HRH1: variants seen among roughly 807,000 people sequenced by gnomAD.
HRH1 encodes the protein histamine H1 receptor.
In HRH1, 6 loss-of-function variants were observed where a neutral mutation model predicts 10.3. The ratio of observed to expected loss-of-function variants is 0.58; its 90% CI spans 0.32 to 1.15. The LOEUF (loss-of-function observed/expected upper bound fraction) is 1.15. Ranked by LOEUF, HRH1 falls within the 50% of genes most tolerant of loss-of-function variation. HRH1 has a pLI of 0.05. For synonymous variants in HRH1, 242 were observed against 236.7 expected, an observed-to-expected ratio of 1.02 and a Z score of -0.21; for missense variants, 514 against 615.3, an observed-to-expected ratio of 0.84 and a Z score of 1.74.
chr3:11,190,453 C>T (rs1345184358), intron 1 of HRH1, among the ~76,000 whole-genome samples: 7 of 151,900 alleles, frequency 4.6e-5, no homozygotes, highest in East Asian at 1.9e-4. Flanking sequence ...TGCAGTGGCG[C>T]GATCTTGGCT....
chr3:11,150,098 A>C (rs1239146574), upstream of HRH1, among the ~76,000 whole-genome samples: 1 of 152,280 alleles, frequency 6.6e-6, no homozygotes, highest in Non-Finnish European at 1.5e-5. Flanking sequence ...CCTTTCTGAA[A>C]GGAAATCAAA....
chr3:11,168,483 C>A (rs187393694), intron 1 of HRH1, among the ~76,000 whole-genome samples: 3 of 152,162 alleles, frequency 2.0e-5, no homozygotes, highest in Non-Finnish European at 2.9e-5. Flanking sequence ...CAGTGAGAAG[C>A]GAACAGCTTC....
At chr3:11,229,595 A>C (rs1938988545) in intron 1 of HRH1, among the ~76,000 whole-genome samples, 1 of 152,142 alleles carries the variant, frequency 6.6e-6, no homozygotes, top group African/African-American at 2.4e-5. Context: ...CCTCCAAGAG[A>C]GTCTCAATTT....
intron 1 of HRH1, among the ~76,000 whole-genome samples, chr3:11,190,484 G>A (rs888142118): frequency 5.3e-5 from 8 of 151,950 alleles, no homozygotes; most frequent in African/African-American, 1.5e-4. Context: ...TCTGCCTCCC[G>A]AGTTCAAGCA....
chr3:11,146,803 G>A (rs1360077877), intron 1 of HRH1, among the ~76,000 whole-genome samples: 4 of 152,226 alleles, frequency 2.6e-5, no homozygotes, highest in African/African-American at 7.2e-5. Context: ...AATTCTCTGT[G>A]TCCTGGCAGC....
At position 11,259,531 on chromosome 3, in the gene HRH1, G is replaced by A. The variant is rs1468590052; in HGVS notation, c.494G>A (p.Trp165Ter). Residue 165 changes from tryptophan to a stop codon, truncating the protein, a stop_gained, in exon 2 of 2, where the codon TGG becomes TAG. Coordinates refer to ENST00000431010, the MANE Select transcript of HRH1 (RefSeq NM_001098212.2). LOFTEE classifies it low-confidence loss of function (END_TRUNC). This position sits in a 1 kb window ranked among gnomAD's most constrained non-coding sequence, Gnocchi z 4.6. ...SFLWVIPILG[W>*]NHFMQQTSVR... Reference sequence around the variant, plus strand: ...CTGTGGGTTATTCCCATTCTAGGCTGGAATCACTTCATGCAGCAGACCTCG... The same window carrying A: ...CTGTGGGTTATTCCCATTCTAGGCTAGAATCACTTCATGCAGCAGACCTCG... 2 of 1,614,040 alleles carry A rather than the reference G, an allele frequency of 1.2e-6. No individual in the cohort carries two copies.
At chr3:11,205,141 C>G (rs993923252) in intron 1 of HRH1, among the ~76,000 whole-genome samples, 1 of 152,212 alleles carries the variant, frequency 6.6e-6, no homozygotes, top group African/African-American at 2.4e-5. Context: ...GTAGGTAGGT[C>G]TGAGGAGATG....
chr3:11,248,520 A>G (rs1939549373), intron 1 of HRH1, among the ~76,000 whole-genome samples: 1 of 152,206 alleles, frequency 6.6e-6, no homozygotes, highest in South Asian at 2.1e-4. Flanking sequence ...AGCCAACTGA[A>G]TTACAGCACA....
At chr3:11,164,703 A>T (rs1434960259) in intron 1 of HRH1, among the ~76,000 whole-genome samples, 1 of 152,190 alleles carries the variant, frequency 6.6e-6, no homozygotes, top group Admixed American at 6.5e-5. Flanking sequence ...AGCTTCTCCA[A>T]TTCAATGGAA....
At chr3:11,146,823 T>C (rs993251459) in intron 1 of HRH1, among the ~76,000 whole-genome samples, 1 of 152,204 alleles carries the variant, frequency 6.6e-6, no homozygotes, top group African/African-American at 2.4e-5. Context: ...CCATGGCAGC[T>C]AAGCAAAAGT....
At chr3:11,155,535 G>A (rs983565759) in intron 1 of HRH1, among the ~76,000 whole-genome samples, 1 of 152,264 alleles carries the variant, frequency 6.6e-6, no homozygotes, top group African/African-American at 2.4e-5. Flanking sequence ...TCCCTCTGAG[G>A]TGTCCGCTTG....
intron 1 of HRH1, among the ~76,000 whole-genome samples, chr3:11,202,203 T>A (rs1171228108): frequency 6.6e-6 from 1 of 152,078 alleles, no homozygotes; most frequent in Non-Finnish European, 1.5e-5. Flanking sequence ...CAGGAGTTCA[T>A]GACCAGCCTG....
At chr3:11,227,674 A>G (rs1938931897) in intron 1 of HRH1, among the ~76,000 whole-genome samples, 1 of 152,030 alleles carries the variant, frequency 6.6e-6, no homozygotes, top group African/African-American at 2.4e-5. Context: ...TCTTCCTTTC[A>G]CTTCTGGAGT....
chr3:11,157,059 C>A (rs1408938073), intron 1 of HRH1, among the ~76,000 whole-genome samples: 1 of 152,252 alleles, frequency 6.6e-6, no homozygotes, highest in African/African-American at 2.4e-5. Context: ...TGCTGCTACG[C>A]AGTGCAGCTT....
rs202225736 is a variant in HRH1, at chr3:11,259,563, C to T, written c.526C>T (p.Arg176Ter). 3.1e-6 allele frequency: 5 copies of T among 1,613,876 alleles called. No homozygotes were observed. Among genetic ancestry groups the T allele is most frequent in the African/African-American group, 1.3e-5 (1 of 74,848 alleles). The change falls in exon 2 of 2, where the codon CGA (arginine) becomes TGA (stop). Residue 176 changes from arginine (R) to a stop codon, truncating the protein, a stop_gained. Coordinates refer to ENST00000431010, the MANE Select transcript of HRH1 (RefSeq NM_001098212.2). LOFTEE classifies it low-confidence loss of function (END_TRUNC). This position sits in a 1 kb window ranked among gnomAD's most constrained non-coding sequence, Gnocchi z 4.6. ...CTTCATGCAGCAGACCTCGGTGCGC[C>T]GAGAGGACAAGTGTGAGACAGACTT... ...NHFMQQTSVR[R>*]EDKCETDFYD...
chr3:11,259,088 C>T lies in HRH1; in HGVS notation c.51C>T (p.Gly17=), dbSNP rs772814458. Residue 17 remains glycine, a synonymous_variant, in exon 2 of 2, where the codon GGC becomes GGT. Transcript: ENST00000431010. The surrounding 1 kb of genome is among the most constrained non-coding windows in gnomAD (Gnocchi z 4.6). ...SCLLEDKMCE[G]NKTTMASPQL... ...TCTTAGAAGACAAGATGTGTGAGGGCAACAAGACCACTATGGCCAGCCCCC... is the reference window on the plus strand; with the variant it reads ...TCTTAGAAGACAAGATGTGTGAGGGTAACAAGACCACTATGGCCAGCCCCC... 6.2e-7 allele frequency: 1 copy of T among 1,612,748 alleles called. No individual in the cohort carries two copies. The highest frequency in any genetic ancestry group is 1.1e-5 in the South Asian group (1 of 90,918).
At chr3:11,193,694 C>G (rs770133607) in intron 1 of HRH1, among the ~76,000 whole-genome samples, 1 of 152,130 alleles carries the variant, frequency 6.6e-6, no homozygotes, top group South Asian at 2.1e-4. Flanking sequence ...AAGCTCAAGG[C>G]GACAGCAGAT....
chr3:11,156,182 G>A (rs1173765699), intron 1 of HRH1, among the ~76,000 whole-genome samples: 1 of 152,172 alleles, frequency 6.6e-6, no homozygotes, highest in African/African-American at 2.4e-5. Flanking sequence ...ATTTCTCCTG[G>A]TGTGGGGAGA....
upstream of HRH1, among the ~76,000 whole-genome samples, chr3:11,151,698 C>G (rs1229343289): frequency 6.6e-6 from 1 of 152,044 alleles, no homozygotes; most frequent in African/African-American, 2.4e-5. Flanking sequence ...AGGTCTCCTC[C>G]CCGTGTTTCC....
Sources: allele counts gnomAD v4.1 joint callset (sites outside exome capture counted in the v4.1 genomes callset), GRCh38; gene constraint gnomAD v4.1.1; non-coding constraint Gnocchi (gnomAD v3.1); transcripts MANE v1.5; gene names NCBI Gene and HGNC (gene_info 2026-07-23, HGNC 2026-07-21).